The following PCNX1 variants were observed in gnomAD, a reference collection of about 807,000 sequenced individuals.
The protein encoded by PCNX1 is pecanex-like protein 1.
Under a neutral mutation model 242.2 loss-of-function variants are expected in PCNX1, and 78 were observed. That is an observed-to-expected ratio of 0.32 (90% CI 0.27 to 0.39). The LOEUF (loss-of-function observed/expected upper bound fraction) is 0.39. Ranked by LOEUF, PCNX1 falls within the 10% of genes least tolerant of loss-of-function variation. The probability of loss-of-function intolerance (pLI) is 1.00; values close to 1 mark genes in which losing one functional copy is unlikely to be tolerated. For missense variants in PCNX1, 2,581 were observed against 2,856.5 expected, an observed-to-expected ratio of 0.90 and a Z score of 2.20; for synonymous variants, 1,024 against 1,032.9, an observed-to-expected ratio of 0.99 and a Z score of 0.17.
At chr14:70,934,221 G>C (rs2056912482) in intron 1 of PCNX1, among the ~76,000 whole-genome samples, 1 of 152,128 alleles carries the variant, frequency 6.6e-6, no homozygotes, top group Non-Finnish European at 1.5e-5. Flanking sequence ...TGAATAGCTT[G>C]AACCTATTAC....
chr14:70,965,473 C>T (rs908071084), intron 3 of PCNX1: 8 of 152,078 alleles, frequency 5.3e-5, no homozygotes, highest in African/African-American at 1.9e-4. Context: ...ACCAGCCTGG[C>T]TAGTATGGTG....
At chr14:71,065,631 T>C (rs1318371043) in intron 26 of PCNX1, among the ~76,000 whole-genome samples, 4 of 152,204 alleles carry the variant, frequency 2.6e-5, no homozygotes, top group African/African-American at 9.6e-5. Flanking sequence ...TAGATCCCAT[T>C]TGTCTATTTT....
chr14:70,980,231 T>C (rs2058798677), intron 6 of PCNX1, among the ~76,000 whole-genome samples: 2 of 152,016 alleles, frequency 1.3e-5, no homozygotes, highest in Non-Finnish European at 2.9e-5. Context: ...TTCCTTTTCA[T>C]GGGGACTGTG....
In PCNX1 at chr14:70,946,018, C is replaced by T. The variant is rs568346573; in HGVS notation, c.154-897C>T. 1.9e-4 allele frequency among the ~76,000 whole-genome samples: 29 copies of T among 152,300 alleles called. 1 individual carries two copies. In the South Asian group the frequency reaches 6.0e-3, roughly 32 times the overall value. On this transcript the variant is annotated intron_variant, in intron 1 of 35. Transcript: ENST00000304743. ...CTCTAGGCCTTGCCTTCCCAGTGAG[C>T]TGTTCTCCAAGCCTGCCACCTGTGG...
At chr14:70,932,763 C>T (rs1314899990) in intron 1 of PCNX1, among the ~76,000 whole-genome samples, 13 of 152,018 alleles carry the variant, frequency 8.6e-5, no homozygotes, top group Non-Finnish European at 1.5e-5. Context: ...CAGTCATGCG[C>T]CACCATGCCC....
At chr14:70,987,196 C>G (rs2059025090) in intron 6 of PCNX1, among the ~76,000 whole-genome samples, 1 of 151,982 alleles carries the variant, frequency 6.6e-6, no homozygotes, top group Non-Finnish European at 1.5e-5. Flanking sequence ...TAGCTGTGGT[C>G]ACAAAAAGGC....
chr14:70,977,518 A>G lies in PCNX1; in HGVS notation c.1181A>G (p.Asn394Ser). Residue 394 changes from asparagine to serine, a missense_variant, in exon 6 of 36, where the codon AAC becomes AGC. Asn to Ser is a conservative substitution (Grantham distance 46). This residue lies in a region of PCNX1 where 1,204 missense variants were observed against 1,216.7 expected (regional missense o/e 0.99). Transcript: ENST00000304743. ...TGCAGTGGAACGGACCGGGACACTA[A>G]CAGTACTGTCAGCAGCTATAAAAGT... The part of the protein sequence containing the change: ...SYCSGTDRDT[N>S]STVSSYKSEQ... 2 of 1,614,190 alleles carry G rather than the reference A, an allele frequency of 1.2e-6. No individual in the cohort carries two copies. The highest frequency in any genetic ancestry group is 8.5e-7 in the Non-Finnish European group (1 of 1,180,034).
intron 26 of PCNX1, among the ~76,000 whole-genome samples, chr14:71,062,247 C>T (rs1198648773): frequency 6.6e-6 from 1 of 152,040 alleles, no homozygotes; most frequent in Non-Finnish European, 1.5e-5. Flanking sequence ...ATGGCAGCTC[C>T]ATGTGTGTCA....
chr14:71,036,375 G>C (rs543318249), intron 19 of PCNX1, among the ~76,000 whole-genome samples: 6 of 152,144 alleles, frequency 3.9e-5, no homozygotes, highest in African/African-American at 1.4e-4. Context: ...ACTGAGTCTT[G>C]TTGTGTTGCC....
intron 8 of PCNX1, among the ~76,000 whole-genome samples, chr14:71,000,877 G>A (rs1223799801): frequency 6.6e-6 from 1 of 152,102 alleles, no homozygotes; most frequent in Non-Finnish European, 1.5e-5. Flanking sequence ...TTAGATGTAT[G>A]TGAAAGGCAG....
intron 8 of PCNX1, among the ~76,000 whole-genome samples, chr14:70,996,959 G>C (rs12896829): frequency 0.51 from 77,942 of 151,900 alleles, 20,583 homozygotes; most frequent in East Asian, 0.73. Flanking sequence ...AAAGTGTCAT[G>C]TTCAGATCTC....
chr14:71,104,434 TAA>T (rs929652117), intron 32 of PCNX1, among the ~76,000 whole-genome samples: 14 of 152,180 alleles, frequency 9.2e-5, no homozygotes, highest in Non-Finnish European at 1.6e-4. Flanking sequence ...GGAATTACCG[TAA>T]AGAGATTCTT....
At chr14:70,994,394 A>AATATAT (rs1555357262) in intron 7 of PCNX1, among the ~76,000 whole-genome samples, 1 of 44,742 alleles carries the variant, frequency 2.2e-5, no homozygotes, top group African/African-American at 9.2e-5. Context: ...CCACAGGCTT[A>AATATAT]AGATATATAT....
chr14:70,952,660 C>T (rs2057833546), intron 2 of PCNX1, among the ~76,000 whole-genome samples: 1 of 152,082 alleles, frequency 6.6e-6, no homozygotes, highest in South Asian at 2.1e-4. Flanking sequence ...TCATATTGAC[C>T]TACATGTAGT....
At chr14:70,921,806 C>CG (rs1382788431) in intron 1 of PCNX1, among the ~76,000 whole-genome samples, 3 of 152,112 alleles carry the variant, frequency 2.0e-5, no homozygotes, top group African/African-American at 7.2e-5. Flanking sequence ...TTTATCTGTA[C>CG]ATACTCTGTC....
intron 30 of PCNX1, among the ~76,000 whole-genome samples, chr14:71,100,605 C>T (rs1410710680): frequency 1.3e-5 from 2 of 152,126 alleles, no homozygotes; most frequent in Non-Finnish European, 2.9e-5. Flanking sequence ...CACAGCTGTT[C>T]TCAGATTTCT....
At position 71,060,205 on chromosome 14, in the gene PCNX1, A is replaced by G. The variant is rs2061290724; in HGVS notation, c.4852+2481A>G. On this transcript the variant is annotated intron_variant, in intron 26 of 35. Transcript: ENST00000304743. ...TCGTAGCCATTCTGTCCTATCACAAAGCATTACTTGTGTTTATGGTGATGC... is the reference window on the plus strand; with the variant it reads ...TCGTAGCCATTCTGTCCTATCACAAGGCATTACTTGTGTTTATGGTGATGC... Among the ~76,000 whole-genome samples the G allele has an allele frequency of 2.0e-5, 3 of 152,188 alleles. No homozygotes were observed. The South Asian group carries it at 6.2e-4, about 31-fold the overall frequency.
intron 11 of PCNX1, 43 bp downstream of exon 11, chr14:71,013,245 T>C: frequency 7.1e-7 from 1 of 1,410,472 alleles, no homozygotes; most frequent in Non-Finnish European, 1.0e-6. Flanking sequence ...TGGATTTTAT[T>C]TTTAAGATGA....
At chr14:70,949,991 A>G (rs914197747) in intron 2 of PCNX1, among the ~76,000 whole-genome samples, 4 of 152,260 alleles carry the variant, frequency 2.6e-5, no homozygotes, top group Non-Finnish European at 5.9e-5. Flanking sequence ...GAAATATTTC[A>G]GACATCAAGA....
Sources: allele counts gnomAD v4.1 joint callset (sites outside exome capture counted in the v4.1 genomes callset), GRCh38; gene constraint gnomAD v4.1.1; regional missense constraint gnomAD v4.1.1; transcripts MANE v1.5; gene names NCBI Gene and HGNC (gene_info 2026-07-23, HGNC 2026-07-21).